The following CACNA1H variants were observed in gnomAD, a reference collection of about 807,000 sequenced individuals.
CACNA1H encodes calcium voltage-gated channel subunit alpha1 H, also known as voltage-dependent T-type calcium channel subunit alpha-1H.
A neutral mutation model predicts 192.5 loss-of-function variants in CACNA1H; 149 were observed. The ratio of observed to expected loss-of-function variants is 0.77; its 90% CI spans 0.68 to 0.89. The LOEUF (loss-of-function observed/expected upper bound fraction) is 0.89, where lower values mean the gene tolerates loss of function less well. Among genes scored for constraint, CACNA1H ranks in the 40% least tolerant of loss-of-function variants. The pLI, the probability that CACNA1H is intolerant of heterozygous loss-of-function variation, is 0.00. For missense variants in CACNA1H, 4,257 were observed against 3,423.5 expected (o/e 1.24, Z -6.08); for synonymous variants, 2,202 against 1,475.2 (o/e 1.49, Z -11.29).
At chr16:1,210,348 T>TCCACCCCCCCCCCCCCCC in intron 18 of CACNA1H, 22 bp from the exon 19 acceptor site, 1 of 277,476 alleles carries the variant, frequency 3.6e-6, no homozygotes, top group Non-Finnish European at 6.3e-6. Context: ...GCCCCACCTC[T>TCCACCCCCCCCCCCCCCC]CACCCGCCCC....
chr16:1,210,434 AT>A lies in CACNA1H; in HGVS notation c.3911del (p.Ile1304ThrfsTer40). 1.9e-6 allele frequency: 3 copies of A among 1,605,920 alleles called. No homozygotes were observed. The highest frequency in any genetic ancestry group is 2.5e-6 in the Non-Finnish European group (3 of 1,179,108). On this transcript the variant is annotated frameshift_variant, in exon 19 of 35. Transcript: ENST00000348261. LOFTEE classifies it high-confidence loss of function. ...KMFDHVVLVF[I>X]FLNCVTIALE... ...GTTTGATCACGTGGTCCTCGTCTTCATCTTCCTCAACTGCGTCACCATCGCC... is the reference window on the plus strand; with the variant it reads ...GTTTGATCACGTGGTCCTCGTCTTCACTTCCTCAACTGCGTCACCATCGCC...
chr16:1,157,940 T>C (rs1366818207), intron 2 of CACNA1H: 1 of 152,232 alleles, frequency 6.6e-6, no homozygotes, highest in African/African-American at 2.4e-5. Flanking sequence ...CTAGGGCGCG[T>C]GTCTCCCGGA....
chr16:1,179,815 A>G (rs1369775505), intron 2 of CACNA1H, among the ~76,000 whole-genome samples: 3 of 141,012 alleles, frequency 2.1e-5, no homozygotes, highest in Admixed American at 7.2e-5. Context: ...GCTCACTGCA[A>G]CCTCTGCCTC....
rs28365118 is a variant in CACNA1H, at chr16:1,204,491, C to T, written c.2451+33C>T. The T allele has an allele frequency of 1.6e-3, 2,386 of 1,496,740 alleles. 17 individuals are homozygous for T. The African/African-American group carries it at 0.027, about 17-fold the overall frequency. The allele number at this position is 1,496,740 out of a possible 1,614,324, so 92.7% of individuals were successfully genotyped here. On this transcript the variant is annotated intron_variant, in intron 10 of 34. Coordinates refer to ENST00000348261, the MANE Select transcript of CACNA1H (RefSeq NM_021098.3). ...CTGGCCTGGCCACGGGGTGGGCTCC[C>T]TGTCAGGCTTGCAGGGCCTGGGGAG...
rs751052919 is a variant in CACNA1H at position 1,212,486 on chromosome 16, TCA to T, written c.4760-24_4760-23del. 40 of 1,608,924 alleles carry T rather than the reference TCA, an allele frequency of 2.5e-5. 1 individual carries two copies. The East Asian group carries it at 9.0e-4, about 36-fold the overall frequency. ...CCCGAGTGCGCCACGCCCTCGGCCC[TCA>T]GACCATCTCCTTGTCTTTCCAGGCA... On this transcript the variant is annotated intron_variant, in intron 25 of 34. Transcript: ENST00000348261.
At chr16:1,184,753 A>G (rs1040744625) in intron 2 of CACNA1H, among the ~76,000 whole-genome samples, 12 of 152,222 alleles carry the variant, frequency 7.9e-5, no homozygotes, top group Non-Finnish European at 1.2e-4. Context: ...CCGGGTCTCA[A>G]TTCCTGGTCC....
intron 2 of CACNA1H, among the ~76,000 whole-genome samples, chr16:1,187,157 C>T (rs1966154708): frequency 6.6e-6 from 1 of 152,230 alleles, no homozygotes; most frequent in Non-Finnish European, 1.5e-5. Flanking sequence ...TCTTCTTGAG[C>T]AAATTGGAAA....
intron 2 of CACNA1H, among the ~76,000 whole-genome samples, chr16:1,162,650 G>GGT (rs1555500505): frequency 1.9e-4 from 29 of 151,556 alleles, no homozygotes; most frequent in African/African-American, 7.0e-4. Context: ...GGGGGGGGGG[G>GGT]GTCCATCCTA....
intron 2 of CACNA1H, among the ~76,000 whole-genome samples, chr16:1,171,299 C>T (rs1964345923): frequency 6.6e-6 from 1 of 152,116 alleles, no homozygotes; most frequent in Admixed American, 6.5e-5. Flanking sequence ...CTGGGGGGAT[C>T]GTGGGGCTTT....
At position 1,221,122 on chromosome 16, in the gene CACNA1H, A is replaced by G. The variant is rs1057428152; in HGVS notation, c.*128A>G. 5.8e-6 allele frequency: 4 copies of G among 695,270 alleles called. No individual in the cohort carries two copies. The African/African-American group carries it at 7.2e-5, about 13-fold the overall frequency. 43.1% of individuals were successfully genotyped at this position (695,270 alleles called of 1,614,324 possible). On this transcript the variant is annotated 3_prime_UTR_variant, in exon 35 of 35. Transcript: ENST00000348261. Reference sequence around the variant, plus strand: ...TCGTGAGCAGAAAGGCCCGGGGAGGATGACGGCCCAGGCCCTGGTTCTCTG... The same window carrying G: ...TCGTGAGCAGAAAGGCCCGGGGAGGGTGACGGCCCAGGCCCTGGTTCTCTG...
Position 1,196,211 on chromosome 16 carries a change from G to A in CACNA1H, c.643+188G>A, listed in dbSNP as rs3738077. On this transcript the variant is annotated intron_variant, in intron 5 of 34. Coordinates refer to ENST00000348261, the MANE Select transcript of CACNA1H (RefSeq NM_021098.3). ...TATCCGTGGGCCTTGCATGTCAGGG[G>A]AGAATCAAGCTGCGGTGTGGTGGGC... is the stretch of plus-strand genomic sequence containing the variant. 0.036 allele frequency among the ~76,000 whole-genome samples: 5,424 copies of A among 152,368 alleles called. 522 individuals are homozygous for A. In the East Asian group the frequency reaches 0.38, roughly 11 times the overall value.
intron 2 of CACNA1H, among the ~76,000 whole-genome samples, chr16:1,185,047 A>T (rs1965846785): frequency 6.6e-6 from 1 of 152,186 alleles, no homozygotes; most frequent in African/African-American, 2.4e-5. Flanking sequence ...CTCGCTGCCC[A>T]GCCCTGGTGG....
rs547404297 is a variant in CACNA1H, at chr16:1,183,634, A to G, written c.300-11338A>G. On this transcript the variant is annotated intron_variant, in intron 2 of 34. Coordinates refer to ENST00000348261, the MANE Select transcript of CACNA1H (RefSeq NM_021098.3). ...GGCATTGGGGTCGGGGGTCCGGGGG[A>G]GGCGCCGCACTCAGGGCAGGCTCTG... Among the ~76,000 whole-genome samples the G allele has an allele frequency of 2.6e-3, 396 of 152,036 alleles. 4 individuals are homozygous for G. The highest frequency in any genetic ancestry group is 9.2e-3 in the African/African-American group (382 of 41,468).
chr16:1,202,066 C>G lies in CACNA1H; in HGVS notation c.1616C>G (p.Pro539Arg). The change falls in exon 9 of 35, where the codon CCC (proline) becomes CGC (arginine). Residue 539 changes from proline to arginine, a missense_variant. Pro to Arg is a moderately radical substitution (Grantham distance 103). Transcript: ENST00000348261. ...TTCAGCCATGGCAGCCCCCGCAGGC[C>G]CGGCCCCGAGCCAGGCGCCTGCGAC... The part of the protein sequence containing the change: ...YHFSHGSPRR[P>R]GPEPGACDTR... 6.5e-7 allele frequency: 1 copy of G among 1,539,902 alleles called. No homozygotes were observed. The highest frequency in any genetic ancestry group is 8.7e-7 in the Non-Finnish European group (1 of 1,144,762).
chr16:1,204,532 A>T (rs1185632077), intron 10 of CACNA1H, 74 bp downstream of exon 10: 6 of 1,228,724 alleles, frequency 4.9e-6, no homozygotes, highest in Non-Finnish European at 5.7e-6. Flanking sequence ...GGAGGCTTCC[A>T]GCAGCCCCGA....
rs760796226 is a variant in CACNA1H at position 1,205,140 on chromosome 16, G to C, written c.2478G>C (p.Glu826Asp). The C allele has an allele frequency of 1.9e-6, 3 of 1,612,522 alleles. No homozygotes were observed. The highest frequency in any genetic ancestry group is 1.7e-6 in the Non-Finnish European group (2 of 1,179,786). ...EQPEELTNAL[E>D]ISNIVFTSMF... ...CCGAGGAGCTGACTAATGCTCTGGA[G>C]ATCAGCAACATCGTGTTCACCAGCA... The change falls in exon 11 of 35, where the codon GAG (glutamate) becomes GAC (aspartate). Residue 826 changes from glutamate to aspartate, a missense_variant. By Grantham distance (45) the Glu-to-Asp change is conservative (BLOSUM62 2). Transcript: ENST00000348261.
Position 1,204,465 on chromosome 16 carries a change from G to C in CACNA1H, c.2451+7G>C, listed in dbSNP as rs1202347048. ...CGTGGAGTACCATGAGCAGGTGCGGGCTGGCCTGGCCACGGGGTGGGCTCC... is the reference window on the plus strand; with the variant it reads ...CGTGGAGTACCATGAGCAGGTGCGGCCTGGCCTGGCCACGGGGTGGGCTCC... On this transcript the variant is annotated splice_region_variant and intron_variant, in intron 10 of 34. Coordinates refer to ENST00000348261, the MANE Select transcript of CACNA1H (RefSeq NM_021098.3). 1 of 1,521,282 alleles carries C rather than the reference G, an allele frequency of 6.6e-7. No homozygotes were observed. The highest frequency in any genetic ancestry group is 2.2e-5 in the Admixed American group (1 of 46,426). 94.2% of individuals were successfully genotyped at this position (1,521,282 alleles called of 1,614,324 possible).
At chr16:1,170,205 G>A (rs1001921469) in intron 2 of CACNA1H, among the ~76,000 whole-genome samples, 1 of 152,118 alleles carries the variant, frequency 6.6e-6, no homozygotes, top group Non-Finnish European at 1.5e-5. Context: ...CCCAACTGCA[G>A]GGTTACCGAG....
chr16:1,190,335 G>C (rs185780240), intron 2 of CACNA1H, among the ~76,000 whole-genome samples: 2 of 152,244 alleles, frequency 1.3e-5, no homozygotes, highest in South Asian at 4.1e-4. Flanking sequence ...GTATGATTAA[G>C]CCTCCAGAAG....
Sources: gnomAD v4.1 joint callset for allele counts (sites outside exome capture counted in the v4.1 genomes callset) on GRCh38, gnomAD v4.1.1 for gene constraint, MANE v1.5 for transcripts, NCBI Gene and HGNC (gene_info 2026-07-23, HGNC 2026-07-21) for gene names.